HRH1: variants seen among roughly 807,000 people sequenced by gnomAD.
HRH1 encodes histamine H1 receptor.
A neutral mutation model predicts 10.3 loss-of-function variants in HRH1; 6 were observed. The observed-to-expected ratio is 0.58, with a 90% confidence interval of 0.32 to 1.15. The LOEUF (loss-of-function observed/expected upper bound fraction) is 1.15. Ranked by LOEUF, HRH1 falls within the 50% of genes most tolerant of loss-of-function variation. The pLI, the probability that HRH1 is intolerant of heterozygous loss-of-function variation, is 0.05. For synonymous variants in HRH1, 242 were observed against 236.7 expected (o/e 1.02, Z -0.21); for missense variants, 514 against 615.3 (o/e 0.84, Z 1.74).
chr3:11,162,985 C>A (rs770593278), intron 1 of HRH1, among the ~76,000 whole-genome samples: 1 of 152,158 alleles, frequency 6.6e-6, no homozygotes, highest in Non-Finnish European at 1.5e-5. Flanking sequence ...TGCTCACTTG[C>A]TCTGAATTGG....
intron 1 of HRH1, among the ~76,000 whole-genome samples, chr3:11,215,364 G>A (rs1042493476): frequency 2.0e-5 from 3 of 152,206 alleles, no homozygotes; most frequent in African/African-American, 4.8e-5. Flanking sequence ...CTTACTCATT[G>A]TACAACTGAA....
intron 1 of HRH1, among the ~76,000 whole-genome samples, chr3:11,168,281 A>G (rs530412685): frequency 6.6e-6 from 1 of 152,286 alleles, no homozygotes; most frequent in African/African-American, 2.4e-5. Flanking sequence ...AGGGCCAGAC[A>G]TGGAGGGCAC....
chr3:11,221,347 G>C (rs954316648), intron 1 of HRH1, among the ~76,000 whole-genome samples: 2 of 152,032 alleles, frequency 1.3e-5, no homozygotes, highest in African/African-American at 4.8e-5. Flanking sequence ...GGGCTCAGGA[G>C]TTTAAGACCA....
chr3:11,196,759 A>G (rs992860752), intron 1 of HRH1, among the ~76,000 whole-genome samples: 2 of 152,062 alleles, frequency 1.3e-5, no homozygotes, highest in Admixed American at 6.6e-5. Context: ...GTAGCTGTTC[A>G]GCTAAAGTGT....
intron 1 of HRH1, among the ~76,000 whole-genome samples, chr3:11,229,710 G>A (rs765445596): frequency 2.6e-5 from 4 of 152,036 alleles, no homozygotes; most frequent in Non-Finnish European, 5.9e-5. Context: ...ACAATATCTG[G>A]CTAGAATTAA....
In HRH1 at chr3:11,217,189, A is replaced by G. The variant is rs1410512785; in HGVS notation, c.-35-41814A>G. Among the ~76,000 whole-genome samples, 3 of 150,830 alleles carry G rather than the reference A, an allele frequency of 2.0e-5. No homozygotes were observed. The Admixed American group carries it at 2.0e-4, about 10-fold the overall frequency. On this transcript the variant is annotated intron_variant, in intron 1 of 1. Coordinates refer to ENST00000431010, the MANE Select transcript of HRH1 (RefSeq NM_001098212.2). Reference sequence around the variant, plus strand: ...CAACAGAGGGAGAGTCCGTCTCCAAAAACAAACACACAAACAAACAAAACC... The same window carrying G: ...CAACAGAGGGAGAGTCCGTCTCCAAGAACAAACACACAAACAAACAAAACC...
intron 1 of HRH1, among the ~76,000 whole-genome samples, chr3:11,145,194 T>C (rs1317053496): frequency 6.6e-6 from 1 of 152,118 alleles, no homozygotes; most frequent in Non-Finnish European, 1.5e-5. Context: ...CTGCGGGGCC[T>C]CCCTTGGGCC....
chr3:11,216,969 A>G (rs1367747982), intron 1 of HRH1, among the ~76,000 whole-genome samples: 1 of 152,020 alleles, frequency 6.6e-6, no homozygotes, highest in Admixed American at 6.6e-5. Context: ...AGATTGCCTG[A>G]GCTCAGGAGT....
chr3:11,169,595 AC>A, intron 1 of HRH1, among the ~76,000 whole-genome samples: 1 of 151,806 alleles, frequency 6.6e-6, no homozygotes, highest in East Asian at 2.0e-4. Context: ...GGTAGGGAGC[AC>A]CCCCTATGAG....
chr3:11,234,667 C>T (rs898462380), intron 1 of HRH1: 58 of 1,260,972 alleles, frequency 4.6e-5, no homozygotes, highest in African/African-American at 4.6e-4. Flanking sequence ...CCCTTCCTGC[C>T]GGCAGTAGGA....
At chr3:11,147,554 T>C (rs957194816) in intron 1 of HRH1, among the ~76,000 whole-genome samples, 2 of 152,086 alleles carry the variant, frequency 1.3e-5, no homozygotes, top group African/African-American at 4.8e-5. Context: ...AGCTATGATA[T>C]GAGGTCAATA....
rs201101191 is a variant in HRH1, at chr3:11,259,662, T to C, written c.625T>C (p.Phe209Leu). The change falls in exon 2 of 2, where the codon TTC becomes CTC. Residue 209 changes from phenylalanine to leucine, a missense_variant. By Grantham distance (22) the Phe-to-Leu change is conservative (BLOSUM62 0). Coordinates refer to ENST00000431010, the MANE Select transcript of HRH1 (RefSeq NM_001098212.2). This position sits in a 1 kb window ranked among gnomAD's most constrained non-coding sequence, Gnocchi z 4.6. Reference protein sequence around the residue: ...FYLPTLLMLWFYAKIYKAVRQ... With the variant: ...FYLPTLLMLWLYAKIYKAVRQ... Reference sequence around the variant, plus strand: ...CCTGCCCACCTTGCTCATGCTCTGGTTCTATGCCAAGATCTACAAGGCCGT... The same window carrying C: ...CCTGCCCACCTTGCTCATGCTCTGGCTCTATGCCAAGATCTACAAGGCCGT... The C allele has an allele frequency of 3.1e-6, 5 of 1,613,892 alleles. No individual in the cohort carries two copies. In the Admixed American group the frequency reaches 5.0e-5, roughly 16 times the overall value.
intron 1 of HRH1, among the ~76,000 whole-genome samples, chr3:11,233,405 G>A (rs1480078011): frequency 6.6e-6 from 1 of 152,006 alleles, no homozygotes; most frequent in Admixed American, 6.6e-5. Flanking sequence ...TCCATCAATT[G>A]GGTTCTTTTT....
At chr3:11,230,794 G>GTT (rs61276364) in intron 1 of HRH1, among the ~76,000 whole-genome samples, 7 of 151,618 alleles carry the variant, frequency 4.6e-5, no homozygotes, top group African/African-American at 1.5e-4. Flanking sequence ...ATCAATATGA[G>GTT]TTTTTTTTTA....
chr3:11,227,510 C>T (rs1272328476), intron 1 of HRH1, among the ~76,000 whole-genome samples: 1 of 152,064 alleles, frequency 6.6e-6, no homozygotes, highest in African/African-American at 2.4e-5. Context: ...TGGTCTCAAA[C>T]TCCTGACCTA....
intron 1 of HRH1, among the ~76,000 whole-genome samples, chr3:11,233,876 G>A (rs1939106157): frequency 6.6e-6 from 1 of 152,070 alleles, no homozygotes; most frequent in African/African-American, 2.4e-5. Context: ...TTCCCCAAGG[G>A]GCATAATATC....
At chr3:11,254,913 C>A (rs1055402950) in intron 1 of HRH1, among the ~76,000 whole-genome samples, 1 of 152,230 alleles carries the variant, frequency 6.6e-6, no homozygotes, top group Non-Finnish European at 1.5e-5. Context: ...GTCCTTTCCG[C>A]ATTGGCTGGG....
chr3:11,174,278 C>T (rs775579729), intron 1 of HRH1, among the ~76,000 whole-genome samples: 56 of 152,184 alleles, frequency 3.7e-4, no homozygotes, highest in Non-Finnish European at 5.9e-4. Context: ...TGATCAAGAC[C>T]AGATTCCATG....
At chr3:11,183,520 C>T (rs1188177215) in intron 1 of HRH1, among the ~76,000 whole-genome samples, 4 of 152,244 alleles carry the variant, frequency 2.6e-5, no homozygotes, top group South Asian at 2.1e-4. Flanking sequence ...TGCCCCAAAG[C>T]GCCTGTAGTA....
Sources: allele counts gnomAD v4.1 joint callset (sites outside exome capture counted in the v4.1 genomes callset), GRCh38; gene constraint gnomAD v4.1.1; non-coding constraint Gnocchi (gnomAD v3.1); transcripts MANE v1.5; gene names NCBI Gene and HGNC (gene_info 2026-07-23, HGNC 2026-07-21).